Variants in DLG2 observed in about 807,000 individuals in gnomAD.
DLG2 encodes the protein discs large MAGUK scaffold protein 2.
Under a neutral mutation model 132.5 loss-of-function variants are expected in DLG2, and 45 were observed. The observed-to-expected ratio is 0.34, with a 90% confidence interval of 0.27 to 0.44. The LOEUF (loss-of-function observed/expected upper bound fraction) is 0.44, where lower values mean the gene tolerates loss of function less well. DLG2 is among the 20% of genes least tolerant of loss of function. The pLI, the probability that DLG2 is intolerant of heterozygous loss-of-function variation, is 1.00. For synonymous variants in DLG2, 424 were observed against 419.6 expected (o/e 1.01, Z -0.13); for missense variants, 1,045 against 1,196.9 (o/e 0.87, Z 1.87).
chr11:83,897,002 C>T (rs185068196), intron 15 of DLG2, among the ~76,000 whole-genome samples: 3 of 152,178 alleles, frequency 2.0e-5, no homozygotes, highest in Non-Finnish European at 2.9e-5. Context: ...CATCTGATTC[C>T]ATACTAGCAG....
chr11:84,775,388 C>G (rs563021387), intron 6 of DLG2, among the ~76,000 whole-genome samples: 1 of 152,124 alleles, frequency 6.6e-6, no homozygotes, highest in African/African-American at 2.4e-5. Context: ...GAACTTAATA[C>G]AGAACTACTA....
At chr11:84,924,114 A>T (rs2092887081) in intron 6 of DLG2, among the ~76,000 whole-genome samples, 1 of 152,156 alleles carries the variant, frequency 6.6e-6, no homozygotes, top group Non-Finnish European at 1.5e-5. Context: ...AAAAAAAATT[A>T]AAAACATCCG....
At chr11:84,623,464 T>C (rs1441705651) in intron 6 of DLG2, among the ~76,000 whole-genome samples, 1 of 152,238 alleles carries the variant, frequency 6.6e-6, no homozygotes, top group African/African-American at 2.4e-5. Context: ...TTATAGCTTA[T>C]GGATCACTTA....
chr11:84,936,980 A>G (rs7117222), intron 6 of DLG2, among the ~76,000 whole-genome samples: 56,893 of 151,862 alleles, frequency 0.37, 11,321 homozygotes, highest in East Asian at 0.67. Context: ...TGGTAAAACC[A>G]CGTCTGTACT....
chr11:84,477,483 G>GA (rs1421889361), intron 7 of DLG2, among the ~76,000 whole-genome samples: 2 of 152,008 alleles, frequency 1.3e-5, no homozygotes, highest in East Asian at 1.9e-4. Context: ...CAACAAGAGA[G>GA]AAAATCTGTC....
intron 9 of DLG2, among the ~76,000 whole-genome samples, chr11:84,156,536 A>G (rs1167776233): frequency 6.6e-6 from 1 of 152,186 alleles, no homozygotes; most frequent in Non-Finnish European, 1.5e-5. Context: ...TGCTCTCCCA[A>G]CAGCTGCAGA....
intron 6 of DLG2, among the ~76,000 whole-genome samples, chr11:84,884,611 G>A (rs2087916117): frequency 6.6e-6 from 1 of 151,994 alleles, no homozygotes; most frequent in Admixed American, 6.6e-5. Flanking sequence ...AATTTTTAGT[G>A]AGAGTTTTTA....
At chr11:84,431,745 T>G (rs2098985333) in intron 7 of DLG2, among the ~76,000 whole-genome samples, 2 of 152,158 alleles carry the variant, frequency 1.3e-5, no homozygotes, top group South Asian at 4.1e-4. Context: ...TTATTTATAT[T>G]AACTCATTTT....
At chr11:83,802,215 T>A (rs1478232399) in intron 17 of DLG2, among the ~76,000 whole-genome samples, 4 of 152,142 alleles carry the variant, frequency 2.6e-5, no homozygotes, top group Non-Finnish European at 5.9e-5. Context: ...ATGTCTTAAA[T>A]GTCCTTGCAA....
At chr11:84,555,344 C>T (rs893495939) in intron 6 of DLG2, among the ~76,000 whole-genome samples, 3 of 151,968 alleles carry the variant, frequency 2.0e-5, no homozygotes, top group Non-Finnish European at 4.4e-5. Context: ...ATTTACACAC[C>T]CATGTTCATA....
At chr11:83,581,748 C>T (rs2096980262) in intron 19 of DLG2, among the ~76,000 whole-genome samples, 1 of 151,906 alleles carries the variant, frequency 6.6e-6, no homozygotes, top group African/African-American at 2.4e-5. Context: ...GTGCATTAAT[C>T]AGAGCTAAAG....
chr11:84,856,899 T>TA (rs1424058220), intron 6 of DLG2, among the ~76,000 whole-genome samples: 2 of 151,894 alleles, frequency 1.3e-5, no homozygotes, highest in Non-Finnish European at 2.9e-5. Context: ...AAAAGTAATA[T>TA]AAACAAGTAA....
intron 3 of DLG2, chr11:85,469,472 T>C (rs1263092255): frequency 6.6e-6 from 1 of 152,196 alleles, no homozygotes; most frequent in Non-Finnish European, 1.5e-5. Flanking sequence ...CTCCAGCCAT[T>C]GGATTGTAGG....
intron 7 of DLG2, among the ~76,000 whole-genome samples, chr11:84,370,738 C>T (rs567814186): frequency 1.3e-5 from 2 of 152,204 alleles, no homozygotes; most frequent in East Asian, 1.9e-4. Context: ...TAGGTCTCTG[C>T]GTTATAGGTT....
intron 7 of DLG2, among the ~76,000 whole-genome samples, chr11:84,515,292 C>G (rs1211807351): frequency 6.6e-6 from 1 of 151,086 alleles, no homozygotes; most frequent in Non-Finnish European, 1.5e-5. Flanking sequence ...CACACACACA[C>G]ACACACACAC....
At position 84,729,960 on chromosome 11, in the gene DLG2, T is replaced by A. The variant is rs897595415; in HGVS notation, c.358-195229A>T. Among the ~76,000 whole-genome samples the A allele has an allele frequency of 3.3e-5, 5 of 152,036 alleles. 1 individual carries two copies. The highest frequency in any genetic ancestry group is 3.3e-4 in the Admixed American group (5 of 15,240). ...CATTTTGTTTTAGCACCAAGTGTTT[T>A]TTGAAATAATTATTGTCCCCTCACA... is the stretch of plus-strand genomic sequence containing the variant. On this transcript the variant is annotated intron_variant, in intron 6 of 27. Coordinates refer to ENST00000376104, the MANE Select transcript of DLG2 (RefSeq NM_001142699.3).
chr11:85,115,330 T>A (rs1013501063), intron 5 of DLG2, among the ~76,000 whole-genome samples: 5 of 151,986 alleles, frequency 3.3e-5, no homozygotes, highest in African/African-American at 4.8e-5. Context: ...AACAGGACCA[T>A]TCATCCATTC....
intron 3 of DLG2, among the ~76,000 whole-genome samples, chr11:85,499,866 T>C (rs1055063567): frequency 1.3e-5 from 2 of 152,206 alleles, no homozygotes; most frequent in African/African-American, 4.8e-5. Context: ...TCTCCATAGA[T>C]GCAGAAAAGG....
At chr11:84,511,153 A>C (rs1384173333) in intron 7 of DLG2, among the ~76,000 whole-genome samples, 3 of 152,144 alleles carry the variant, frequency 2.0e-5, no homozygotes, top group African/African-American at 7.2e-5. Flanking sequence ...ATGATAATGC[A>C]TAAAGAGAGG....
Sources: gnomAD v4.1 joint callset for allele counts (sites outside exome capture counted in the v4.1 genomes callset) on GRCh38, gnomAD v4.1.1 for gene constraint, MANE v1.5 for transcripts, NCBI Gene and HGNC (gene_info 2026-07-23, HGNC 2026-07-21) for gene names.